The following PKD1L1 variants were observed in gnomAD, a reference collection of about 807,000 sequenced individuals.
PKD1L1 encodes the protein polycystin-1-like protein 1.
PKD1L1 carries 236 observed loss-of-function variants against 323.4 expected under a neutral mutation model. The ratio of observed to expected loss-of-function variants is 0.73; its 90% confidence interval spans 0.66 to 0.81. The LOEUF (loss-of-function observed/expected upper bound fraction) is 0.81, where lower values mean the gene tolerates loss of function less well. Ranked by LOEUF, PKD1L1 falls within the 40% of genes least tolerant of loss-of-function variation. The probability of loss-of-function intolerance (pLI) is 0.00; values close to 1 mark genes in which losing one functional copy is unlikely to be tolerated. For synonymous variants in PKD1L1, 1,344 were observed against 1,335.0 expected (o/e 1.01, Z -0.15); for missense variants, 3,320 against 3,508.0 (o/e 0.95, Z 1.35).
intron 54 of PKD1L1, among the ~76,000 whole-genome samples, chr7:47,797,617 AC>A (rs1046106152): frequency 3.3e-5 from 5 of 152,198 alleles, no homozygotes; most frequent in African/African-American, 1.2e-4. Context: ...GTGCCTAAGC[AC>A]GACATTCAAG....
chr7:47,925,320 G>A (rs1480357071), intron 7 of PKD1L1, among the ~76,000 whole-genome samples: 2 of 151,940 alleles, frequency 1.3e-5, no homozygotes, highest in Non-Finnish European at 2.9e-5. Context: ...GACCAGCCTG[G>A]TCAATATAGT....
At chr7:47,907,715 C>G (rs968579403) in intron 9 of PKD1L1, among the ~76,000 whole-genome samples, 1 of 152,232 alleles carries the variant, frequency 6.6e-6, no homozygotes, top group African/African-American at 2.4e-5. Context: ...CCAGCTCCCA[C>G]CTCAGATGTG....
At position 47,842,411 on chromosome 7, in the gene PKD1L1, G is replaced by C. The variant is rs117034066; in HGVS notation, c.5445+551C>G. Among the ~76,000 whole-genome samples the C allele has an allele frequency of 1.2e-3, 184 of 152,188 alleles. No homozygotes were observed. The East Asian group carries it at 0.033, about 27-fold the overall frequency. Reference sequence around the variant, plus strand: ...GGAAATGGAAGCGTGAGTTCCAAGGGCAGAGGGAGTCTCCCTCTCTGAGGG... The same window carrying C: ...GGAAATGGAAGCGTGAGTTCCAAGGCCAGAGGGAGTCTCCCTCTCTGAGGG... On this transcript the variant is annotated intron_variant, in intron 34 of 56. Transcript: ENST00000289672.
At position 47,837,062 on chromosome 7, in the gene PKD1L1, C is replaced by T. The variant is rs771500901; in HGVS notation, c.5802G>A (p.Glu1934=). ...LFYCKFTEYL[E]DFHVWLSVYS... Reference sequence around the variant, plus strand: ...ACACCGACAGCCAGACATGGAAATCCTCCAGGTACTCTGTGAACTTGCAAT... The same window carrying T: ...ACACCGACAGCCAGACATGGAAATCTTCCAGGTACTCTGTGAACTTGCAAT... The change falls in exon 37 of 57, where the codon GAG becomes GAA. Residue 1934 remains glutamate, a synonymous_variant. Coordinates refer to ENST00000289672, the MANE Select transcript of PKD1L1 (RefSeq NM_138295.5). 6.2e-6 allele frequency: 10 copies of T among 1,614,076 alleles called. No homozygotes were observed. The highest frequency in any genetic ancestry group is 1.3e-5 in the African/African-American group (1 of 74,948).
At position 47,837,050 on chromosome 7, in the gene PKD1L1, G is replaced by GA. The variant is rs867454034; in HGVS notation, c.5813dup (p.Trp1939LeufsTer95). ...AGGGCCTGCTGTACACCGACAGCCA[G>GA]ACATGGAAATCCTCCAGGTACTCTG... On this transcript the variant is annotated frameshift_variant, in exon 37 of 57. Coordinates refer to ENST00000289672, the MANE Select transcript of PKD1L1 (RefSeq NM_138295.5). LOFTEE classifies it high-confidence loss of function. The GA allele has an allele frequency of 1.2e-5, 20 of 1,614,066 alleles. No homozygotes were observed. The highest frequency in any genetic ancestry group is 1.7e-5 in the Non-Finnish European group (20 of 1,180,038).
At chr7:47,951,128 A>G (rs1160133382), upstream of PKD1L1, among the ~76,000 whole-genome samples, 1 of 152,246 alleles carries the variant, frequency 6.6e-6, no homozygotes, top group African/African-American at 2.4e-5. Flanking sequence ...TCTGAATAAA[A>G]TTAGGTAAAT....
At position 47,946,579 on chromosome 7, in the gene PKD1L1, C is replaced by A. The variant is rs1040997384; in HGVS notation, c.44+1818G>T. Reference sequence around the variant, plus strand: ...CACAGCACACACCATGTATCACACACACACCATACCCCACTCATACCATAC... The same window carrying A: ...CACAGCACACACCATGTATCACACAAACACCATACCCCACTCATACCATAC... On this transcript the variant is annotated intron_variant, in intron 1 of 56. Transcript: ENST00000289672. This position sits in a 1 kb window ranked among gnomAD's most constrained non-coding sequence, Gnocchi z 4.1. Among the ~76,000 whole-genome samples the A allele has an allele frequency of 2.0e-5, 3 of 151,420 alleles. No homozygotes were observed. Among genetic ancestry groups the A allele is most frequent in the African/African-American group, 7.3e-5 (3 of 41,138 alleles).
chr7:47,890,063 C>T (rs1457379541), intron 16 of PKD1L1, among the ~76,000 whole-genome samples: 1 of 152,244 alleles, frequency 6.6e-6, no homozygotes, highest in Non-Finnish European at 1.5e-5. Flanking sequence ...GGGTTTGGGG[C>T]ACATCACTTC....
rs1583611411 is a variant in PKD1L1 at position 47,839,757 on chromosome 7, C to T, written c.5553-95G>A. 2 of 1,208,474 alleles carry T rather than the reference C, an allele frequency of 1.7e-6. No homozygotes were observed. 74.9% of individuals were successfully genotyped at this position (1,208,474 alleles called of 1,614,324 possible). On this transcript the variant is annotated intron_variant, in intron 35 of 56. Coordinates refer to ENST00000289672, the MANE Select transcript of PKD1L1 (RefSeq NM_138295.5). The surrounding 1 kb of genome is among the most constrained non-coding windows in gnomAD (Gnocchi z 4.3). The stretch of plus-strand genomic sequence containing the variant: ...ATGCTCACCCTCAAGGCACTGATGG[C>T]CCACAGAGGGTGGATGGGACATGTC...
At chr7:47,956,269 G>T in the PKD1L1 span, among the ~76,000 whole-genome samples, 1 of 152,162 alleles carries the variant, frequency 6.6e-6, no homozygotes, top group South Asian at 2.1e-4. Context: ...TTCTACAGTG[G>T]GAAAAGAGAG....
Position 47,904,553 on chromosome 7 carries a change from T to C in PKD1L1, c.1756A>G (p.Arg586Gly), listed in dbSNP as rs758938985. 5 of 1,614,006 alleles carry C rather than the reference T, an allele frequency of 3.1e-6. No individual in the cohort carries two copies. The East Asian group carries it at 8.9e-5, about 29-fold the overall frequency. ...SSVVSEPHVIRVQKKIVANRL... is the reference protein window; with the variant it reads ...SSVVSEPHVIGVQKKIVANRL... ...TTGGCCACAATTTTCTTCTGCACCC[T>C]GATGACATGGGGCTCAGAGACCACA... is the stretch of plus-strand genomic sequence containing the variant. Residue 586 changes from arginine to glycine, a missense_variant, in exon 12 of 57, where the codon AGG (arginine) becomes GGG (glycine). Arg to Gly is a moderately radical substitution (Grantham distance 125, BLOSUM62 -2). Coordinates refer to ENST00000289672, the MANE Select transcript of PKD1L1 (RefSeq NM_138295.5).
At chr7:47,862,468 T>C (rs561101302) in intron 26 of PKD1L1, among the ~76,000 whole-genome samples, 5 of 152,292 alleles carry the variant, frequency 3.3e-5, no homozygotes, top group Admixed American at 6.5e-5. Flanking sequence ...GCGCCTGCCA[T>C]GCGTTACACC....
chr7:47,865,844 C>T (rs1037784084), intron 25 of PKD1L1, among the ~76,000 whole-genome samples: 1 of 151,784 alleles, frequency 6.6e-6, no homozygotes, highest in Non-Finnish European at 1.5e-5. Context: ...ATCTGCCTGC[C>T]TTGGCCTCCC....
At chr7:47,849,792 G>A (rs936744620) in intron 31 of PKD1L1, among the ~76,000 whole-genome samples, 1 of 152,118 alleles carries the variant, frequency 6.6e-6, no homozygotes, top group Admixed American at 6.5e-5. Context: ...ACCTACGAGT[G>A]GATAAAGAAA....
intron 17 of PKD1L1, among the ~76,000 whole-genome samples, chr7:47,887,676 T>G (rs1786713241): frequency 6.6e-6 from 1 of 152,250 alleles, no homozygotes; most frequent in Non-Finnish European, 1.5e-5. Context: ...CTCTGGGCAG[T>G]GTGTCACATC....
At chr7:47,911,211 A>C (rs2128752053) in intron 8 of PKD1L1, among the ~76,000 whole-genome samples, 1 of 152,130 alleles carries the variant, frequency 6.6e-6, no homozygotes, top group East Asian at 1.9e-4. Flanking sequence ...CTGGCTATTT[A>C]AAAGTGTGTG....
chr7:47,800,538 GA>G, intron 54 of PKD1L1, 110 bp downstream of exon 54: 1 of 1,092,230 alleles, frequency 9.2e-7, no homozygotes, highest in Non-Finnish European at 1.3e-6. Context: ...TCATTACCAT[GA>G]GATCTGGCCT....
chr7:47,831,382 G>C, intron 41 of PKD1L1, 30 bp from the exon 42 acceptor site: 1 of 1,585,084 alleles, frequency 6.3e-7, no homozygotes, highest in Non-Finnish European at 8.6e-7. Flanking sequence ...AGACAAGGCA[G>C]CTTAAGAGAC....
intron 30 of PKD1L1, 50 bp downstream of exon 30, chr7:47,854,831 AG>A (rs1785860378): frequency 6.4e-7 from 1 of 1,571,952 alleles, no homozygotes; most frequent in South Asian, 1.2e-5. Flanking sequence ...AACATTCTTA[AG>A]GACAATATGT....
Sources: gnomAD v4.1 joint callset for allele counts (sites outside exome capture counted in the v4.1 genomes callset) on GRCh38, gnomAD v4.1.1 for gene constraint, Gnocchi (gnomAD v3.1) non-coding constraint, MANE v1.5 for transcripts, NCBI Gene and HGNC (gene_info 2026-07-23, HGNC 2026-07-21) for gene names.